The following NBEAL1 variants were observed in gnomAD, a reference collection of about 807,000 sequenced individuals.
NBEAL1 encodes neurobeachin like 1.
In NBEAL1, 273 loss-of-function variants were observed where a neutral mutation model predicts 351.3. The observed-to-expected ratio is 0.78, with a 90% CI of 0.70 to 0.86. The LOEUF (loss-of-function observed/expected upper bound fraction) is 0.86. Ranked by LOEUF, NBEAL1 falls within the 40% of genes least tolerant of loss-of-function variation. The pLI, the probability that NBEAL1 is intolerant of heterozygous loss-of-function variation, is 0.00. For synonymous variants in NBEAL1, 1,050 were observed against 1,086.4 expected, an observed-to-expected ratio of 0.97 and a Z score of 0.66; for missense variants, 2,961 against 3,201.3, an observed-to-expected ratio of 0.92 and a Z score of 1.81.
At chr2:203,030,971 C>T (rs952415627) in intron 2 of NBEAL1, among the ~76,000 whole-genome samples, 2 of 152,130 alleles carry the variant, frequency 1.3e-5, no homozygotes. Context: ...GCTGTTGTTG[C>T]TATCTCAGAA....
At chr2:203,136,877 A>T (rs2063225316) in intron 29 of NBEAL1, 103 bp downstream of exon 29, 1 of 1,021,602 alleles carries the variant, frequency 9.8e-7, no homozygotes, top group Admixed American at 2.5e-5. Context: ...TGGATATAAC[A>T]AGGGAGAAAA....
Position 203,112,091 on chromosome 2 carries a change from T to A in NBEAL1, c.2195T>A (p.Met732Lys), listed in dbSNP as rs890132152. ...TCTGCCCCTCTCAGATTTCCTGCCATGAATGAAGTAAGTATATCCAACCTA... is the reference window on the plus strand; with the variant it reads ...TCTGCCCCTCTCAGATTTCCTGCCAAGAATGAAGTAAGTATATCCAACCTA... ...KVSAPLRFPA[M>K]NEPFTSCCIG... Residue 732 changes from methionine to lysine, a missense_variant, in exon 16 of 56, where the codon ATG becomes AAG. Met to Lys is a moderately conservative substitution (Grantham distance 95, BLOSUM62 -1). Coordinates refer to ENST00000683969, the MANE Select transcript of NBEAL1 (RefSeq NM_001378026.1). 1 of 1,551,632 alleles carries A rather than the reference T, an allele frequency of 6.4e-7. No individual in the cohort carries two copies. Among genetic ancestry groups the A allele is most frequent in the Admixed American group, 2.0e-5 (1 of 50,714 alleles).
At chr2:203,061,150 T>G (rs945894653) in intron 6 of NBEAL1, among the ~76,000 whole-genome samples, 22 of 152,208 alleles carry the variant, frequency 1.4e-4, no homozygotes, top group African/African-American at 5.1e-4. Flanking sequence ...GCCACATTTC[T>G]TAGAATTACA....
In NBEAL1 at chr2:203,057,463, A is replaced by G; in HGVS notation, c.515+10A>G. 6.5e-7 allele frequency: 1 copy of G among 1,541,112 alleles called. No homozygotes were observed. The highest frequency in any genetic ancestry group is 1.2e-5 in the South Asian group (1 of 82,722). Reference sequence around the variant, plus strand: ...GACATAGAATTTCAGGGTATGTCTTATAAATAATAACGTTCATTTAAAACC... The same window carrying G: ...GACATAGAATTTCAGGGTATGTCTTGTAAATAATAACGTTCATTTAAAACC... On this transcript the variant is annotated intron_variant, in intron 6 of 55. Transcript: ENST00000683969.
chr2:203,108,271 A>G (rs2062481407), intron 14 of NBEAL1, 83 bp downstream of exon 14: 3 of 1,092,514 alleles, frequency 2.7e-6, no homozygotes, highest in Admixed American at 2.7e-5. Flanking sequence ...ACTGTTTCCA[A>G]GCATCTAGCT....
chr2:203,197,281 T>C (rs1388899599), intron 47 of NBEAL1, 21 bp from the exon 48 acceptor site: 2 of 1,429,992 alleles, frequency 1.4e-6, no homozygotes, highest in Non-Finnish European at 2.0e-6. Context: ...AACCAGCCAC[T>C]AAACCTCTTT....
Position 203,046,150 on chromosome 2 carries a change from T to TA in NBEAL1, c.144-3656dup, listed in dbSNP as rs973196085. On this transcript the variant is annotated intron_variant, in intron 3 of 55. Transcript: ENST00000683969. The stretch of plus-strand genomic sequence containing the variant: ...GACAATATAGCAAGACCCTATCTCT[T>TA]AAAAAAAATTGCAGATTACAGAACT... 5.3e-5 allele frequency among the ~76,000 whole-genome samples: 8 copies of TA among 151,522 alleles called. No individual in the cohort carries two copies. The East Asian group carries it at 5.8e-4, about 11-fold the overall frequency.
At chr2:203,145,810 A>T (rs1361579234) in intron 33 of NBEAL1, among the ~76,000 whole-genome samples, 17 of 151,360 alleles carry the variant, frequency 1.1e-4, no homozygotes, top group Non-Finnish European at 2.2e-4. Context: ...AAAAAAAAAA[A>T]AAAAAAGAAA....
chr2:203,172,938 T>C, intron 41 of NBEAL1, 85 bp downstream of exon 41: 1 of 1,254,038 alleles, frequency 8.0e-7, no homozygotes, highest in Non-Finnish European at 1.1e-6. Context: ...CCAAAAAAAT[T>C]TTTTTTTTAT....
At chr2:203,155,629 G>A (rs1246211501) in intron 35 of NBEAL1, among the ~76,000 whole-genome samples, 3 of 151,756 alleles carry the variant, frequency 2.0e-5, no homozygotes, top group Non-Finnish European at 2.9e-5. Flanking sequence ...AACTTTTTTT[G>A]TAGAGACAAG....
At chr2:203,024,339 T>C (rs888473520) in intron 2 of NBEAL1, among the ~76,000 whole-genome samples, 3 of 151,966 alleles carry the variant, frequency 2.0e-5, no homozygotes, top group Non-Finnish European at 2.9e-5. Flanking sequence ...GGGAGGATCA[T>C]TTGAGGTCAG....
rs757868448 is a variant in NBEAL1 at position 203,197,304 on chromosome 2, G to A, written c.7041G>A (p.Gly2347=). Residue 2347 remains glycine (G), a splice_region_variant and synonymous_variant, in exon 48 of 56, where the codon GGG becomes GGA. Transcript: ENST00000683969. ...LPELKSFFIE[G]ISDGIPLLKA... is the part of the protein sequence containing the mutation. ...ACTAAACCTCTTTTATTTTATAGGG[G>A]ATTAGTGATGGTATTCCACTATTAA... 5.8e-6 allele frequency: 9 copies of A among 1,550,946 alleles called. No homozygotes were observed. In the East Asian group the frequency reaches 1.1e-4, roughly 19 times the overall value.
chr2:203,136,265 AT>A lies in NBEAL1; in HGVS notation c.4389+18del. 2.6e-6 allele frequency: 4 copies of A among 1,515,602 alleles called. No individual in the cohort carries two copies. Among genetic ancestry groups the A allele is most frequent in the Non-Finnish European group, 3.5e-6 (4 of 1,128,358 alleles). 93.9% of individuals were successfully genotyped at this position (1,515,602 alleles called of 1,614,324 possible). On this transcript the variant is annotated intron_variant, in intron 28 of 55. Coordinates refer to ENST00000683969, the MANE Select transcript of NBEAL1 (RefSeq NM_001378026.1). ...TGAAAGCCAAGAGGTAAAATTGCTT[AT>A]TTTTCCAAATGTTGTTTTTATTTTC...
chr2:203,141,746 T>G (rs778892628), intron 31 of NBEAL1, among the ~76,000 whole-genome samples: 12 of 152,084 alleles, frequency 7.9e-5, no homozygotes, highest in African/African-American at 1.2e-4. Flanking sequence ...TAGCCTATTG[T>G]GTAATTTTAT....
At chr2:203,102,163 T>A (rs1425334625) in intron 12 of NBEAL1, among the ~76,000 whole-genome samples, 2 of 152,254 alleles carry the variant, frequency 1.3e-5, no homozygotes, top group Non-Finnish European at 2.9e-5. Context: ...TGATTTTGTA[T>A]CCTGCAACTT....
intron 10 of NBEAL1, among the ~76,000 whole-genome samples, chr2:203,092,246 A>G (rs1229843414): frequency 6.6e-6 from 1 of 152,188 alleles, no homozygotes; most frequent in Non-Finnish European, 1.5e-5. Context: ...TTATACATGT[A>G]GCAGCAATGT....
At position 203,180,933 on chromosome 2, in the gene NBEAL1, A is replaced by ATTTTTTTTTTTTTTTTTTTTTTTTTT. The variant is rs10671968; in HGVS notation, c.6595+443_6595+444insTTTTTTTTTTTTTTTTTTTTTTTTTT. 4 of 61,702 alleles carry ATTTTTTTTTTTTTTTTTTTTTTTTTT rather than the reference A, an allele frequency of 6.5e-5. 2 individuals carry two copies. Among genetic ancestry groups the ATTTTTTTTTTTTTTTTTTTTTTTTTT allele is most frequent in the Non-Finnish European group, 1.2e-4 (4 of 33,364 alleles). 3.8% of individuals were successfully genotyped at this position (61,702 alleles called of 1,614,324 possible). ...CAGTTTCACTGAATACAGCCAGTCAATTTTTTTTTTTTTTTTTTTTTTGAG... is the reference window on the plus strand; with the variant it reads ...CAGTTTCACTGAATACAGCCAGTCAATTTTTTTTTTTTTTTTTTTTTTTTTTTTTTTTTTTTTTTTTTTTTTTTGAG... On this transcript the variant is annotated intron_variant, in intron 43 of 55. Coordinates refer to ENST00000683969, the MANE Select transcript of NBEAL1 (RefSeq NM_001378026.1).
At chr2:203,171,001 T>C (rs2064301237) in intron 39 of NBEAL1, among the ~76,000 whole-genome samples, 1 of 152,204 alleles carries the variant, frequency 6.6e-6, no homozygotes, top group Non-Finnish European at 1.5e-5. Flanking sequence ...ATGCAGTGGC[T>C]CACAGTTGTA....
rs762347506 is a variant in NBEAL1 at position 203,197,368 on chromosome 2, T to G, written c.7105T>G (p.Ser2369Ala). The G allele has an allele frequency of 6.2e-7, 1 of 1,603,042 alleles. No individual in the cohort carries two copies. Among genetic ancestry groups the G allele is most frequent in the South Asian group, 1.1e-5 (1 of 90,844 alleles). The change falls in exon 48 of 56, where the codon TCT (serine) becomes GCT (alanine). Residue 2369 changes from serine (S) to alanine (A), a missense_variant. Transcript: ENST00000683969. ...CAAAAATCAGTATCGTTCTTTTATG[T>G]CTCAAGGCAGCCCTGAGTTACTGGT... Reference protein sequence around the residue: ...IPKNQYRSFMSQGSPELLITI... With the variant: ...IPKNQYRSFMAQGSPELLITI...
Sources: allele counts gnomAD v4.1 joint callset (sites outside exome capture counted in the v4.1 genomes callset), GRCh38; gene constraint gnomAD v4.1.1; transcripts MANE v1.5; gene names NCBI Gene and HGNC (gene_info 2026-07-23, HGNC 2026-07-21).